MARCHF11: variants seen among roughly 807,000 people sequenced by gnomAD.
MARCHF11 encodes E3 ubiquitin-protein ligase MARCHF11.
Under a neutral mutation model 37.3 loss-of-function variants are expected in MARCHF11, and 29 were observed. The ratio of observed to expected loss-of-function variants is 0.78; its 90% CI spans 0.58 to 1.06. The LOEUF is 1.06. Among genes scored for constraint, MARCHF11 ranks in the 50% least tolerant of loss-of-function variants. MARCHF11 has a pLI of 0.00. For missense variants in MARCHF11, 482 were observed against 533.4 expected (o/e 0.90, Z 0.95); for synonymous variants, 233 against 228.0 (o/e 1.02, Z -0.20).
chr5:16,088,525 C>T (rs1044740715), intron 3 of MARCHF11, among the ~76,000 whole-genome samples: 2 of 152,144 alleles, frequency 1.3e-5, no homozygotes, highest in Admixed American at 1.3e-4. Flanking sequence ...TTGTTACTGT[C>T]TGCATTTAAT....
chr5:16,099,362 G>T (rs925071810), intron 2 of MARCHF11, among the ~76,000 whole-genome samples: 1 of 151,996 alleles, frequency 6.6e-6, no homozygotes, highest in African/African-American at 2.4e-5. Flanking sequence ...AAAAGAGAGG[G>T]AGAAAAAGGG....
intron 2 of MARCHF11, among the ~76,000 whole-genome samples, chr5:16,125,637 G>A (rs1018589046): frequency 2.2e-5 from 3 of 139,458 alleles, no homozygotes; most frequent in African/African-American, 3.3e-5. Context: ...GTGTGTGTGT[G>A]TGTGTGTGTG....
intron 2 of MARCHF11, among the ~76,000 whole-genome samples, chr5:16,137,730 C>T (rs1036636642): frequency 6.6e-6 from 1 of 152,038 alleles, no homozygotes; most frequent in African/African-American, 2.4e-5. Context: ...GAGGTGGTCT[C>T]AGAGGGAGAT....
chr5:16,085,885 A>G (rs971491597), intron 3 of MARCHF11, among the ~76,000 whole-genome samples: 5 of 134,760 alleles, frequency 3.7e-5, no homozygotes, highest in African/African-American at 1.4e-4. Flanking sequence ...GCTTGCAGTG[A>G]GCCGAGATCG....
At chr5:16,123,878 C>G (rs1467944369) in intron 2 of MARCHF11, among the ~76,000 whole-genome samples, 1 of 152,016 alleles carries the variant, frequency 6.6e-6, no homozygotes, top group Admixed American at 6.5e-5. Flanking sequence ...AGAGACCCAC[C>G]TTTTACAATT....
intron 2 of MARCHF11, among the ~76,000 whole-genome samples, chr5:16,157,900 A>G (rs1738003967): frequency 6.6e-6 from 1 of 152,008 alleles, no homozygotes; most frequent in Non-Finnish European, 1.5e-5. Flanking sequence ...GAGACAACCT[A>G]TGGAATGAGA....
At chr5:16,147,279 T>C (rs778555649) in intron 2 of MARCHF11, among the ~76,000 whole-genome samples, 6 of 152,166 alleles carry the variant, frequency 3.9e-5, no homozygotes, top group Non-Finnish European at 8.8e-5. Flanking sequence ...TGACATTTAC[T>C]CAGTGCTTTT....
intron 2 of MARCHF11, among the ~76,000 whole-genome samples, chr5:16,145,548 T>C (rs1486036766): frequency 6.6e-6 from 1 of 152,152 alleles, no homozygotes; most frequent in African/African-American, 2.4e-5. Context: ...TATTTTATTA[T>C]AGCAATCCAA....
chr5:16,093,487 A>T (rs1295948112), intron 2 of MARCHF11, among the ~76,000 whole-genome samples: 1 of 152,140 alleles, frequency 6.6e-6, no homozygotes, highest in Admixed American at 6.5e-5. Context: ...GGTTGGATGC[A>T]CTGGCTGTAG....
chr5:16,152,827 T>A (rs143229434), intron 2 of MARCHF11, among the ~76,000 whole-genome samples: 1 of 152,042 alleles, frequency 6.6e-6, no homozygotes, highest in Admixed American at 6.6e-5. Flanking sequence ...TCTCTACTTA[T>A]TACTATGATT....
intron 2 of MARCHF11, among the ~76,000 whole-genome samples, chr5:16,111,570 TCA>T (rs1246340428): frequency 6.6e-6 from 1 of 152,162 alleles, no homozygotes; most frequent in African/African-American, 2.4e-5. Context: ...TTAAAAGCAT[TCA>T]GTTTTAAAAG....
chr5:16,173,464 G>A (rs1560996035), intron 2 of MARCHF11, among the ~76,000 whole-genome samples: 1 of 152,126 alleles, frequency 6.6e-6, no homozygotes, highest in Non-Finnish European at 1.5e-5. Flanking sequence ...ACTCCAATAA[G>A]GACATAAATA....
At chr5:16,093,183 C>T (rs1001566881) in intron 2 of MARCHF11, among the ~76,000 whole-genome samples, 3 of 151,992 alleles carry the variant, frequency 2.0e-5, no homozygotes, top group East Asian at 1.9e-4. Context: ...GCCGCATGTT[C>T]GAAATGTGTA....
At chr5:16,136,229 T>G (rs1737611139) in intron 2 of MARCHF11, among the ~76,000 whole-genome samples, 1 of 152,064 alleles carries the variant, frequency 6.6e-6, no homozygotes, top group Admixed American at 6.6e-5. Flanking sequence ...AAACAAAGTG[T>G]AATTCAAGAA....
intron 3 of MARCHF11, among the ~76,000 whole-genome samples, chr5:16,086,027 A>C (rs1736693638): frequency 6.6e-6 from 1 of 151,968 alleles, no homozygotes; most frequent in Admixed American, 6.6e-5. Flanking sequence ...TGCTAAAAGA[A>C]ATATTCATGT....
chr5:16,125,695 A>C (rs1019403994), intron 2 of MARCHF11, among the ~76,000 whole-genome samples: 5 of 150,652 alleles, frequency 3.3e-5, no homozygotes, highest in African/African-American at 1.2e-4. Context: ...GCTTTATTAC[A>C]ATATCAAAGG....
At chr5:16,163,553 A>G (rs906522641) in intron 2 of MARCHF11, among the ~76,000 whole-genome samples, 1 of 152,072 alleles carries the variant, frequency 6.6e-6, no homozygotes, top group Non-Finnish European at 1.5e-5. Context: ...TAATCCAACT[A>G]TATGCTTTTT....
At position 16,101,690 on chromosome 5, in the gene MARCHF11, A is replaced by C. The variant is rs138330123; in HGVS notation, c.694-10609T>G. On this transcript the variant is annotated intron_variant, in intron 2 of 3. Coordinates refer to ENST00000332432, the MANE Select transcript of MARCHF11 (RefSeq NM_001102562.3). ...TTAGTAGGCGGTCATAACTAGATTT[A>C]CTTGTTCTCTCCACCAGGAGTTGAA... Among the ~76,000 whole-genome samples the C allele has an allele frequency of 5.6e-3, 856 of 152,344 alleles. 7 individuals carry two copies. The highest frequency in any genetic ancestry group is 0.019 in the African/African-American group (799 of 41,584).
chr5:16,170,844 T>C (rs1011942231), intron 2 of MARCHF11, among the ~76,000 whole-genome samples: 14 of 152,132 alleles, frequency 9.2e-5, no homozygotes, highest in African/African-American at 3.4e-4. Context: ...GAAGGGAATA[T>C]TCCAAGGATA....
Sources: allele counts gnomAD v4.1 joint callset (sites outside exome capture counted in the v4.1 genomes callset), GRCh38; gene constraint gnomAD v4.1.1; transcripts MANE v1.5; gene names NCBI Gene and HGNC (gene_info 2026-07-23, HGNC 2026-07-21).